Variants in NCAM2 observed in about 807,000 individuals in gnomAD.
NCAM2 encodes the protein neural cell adhesion molecule 2.
Under a neutral mutation model 98.1 loss-of-function variants are expected in NCAM2, and 30 were observed. That is an observed-to-expected ratio of 0.31 (90% CI 0.23 to 0.41). The LOEUF is 0.41. Ranked by LOEUF, NCAM2 falls within the 10% of genes least tolerant of loss-of-function variation. NCAM2 has a pLI of 1.00. For synonymous variants in NCAM2, 368 were observed against 342.4 expected, an observed-to-expected ratio of 1.07 and a Z score of -0.83; for missense variants, 867 against 1,005.8, an observed-to-expected ratio of 0.86 and a Z score of 1.87.
At chr21:21,139,196 A>C (rs1230912777) in intron 1 of NCAM2, among the ~76,000 whole-genome samples, 1 of 152,266 alleles carries the variant, frequency 6.6e-6, no homozygotes, top group Non-Finnish European at 1.5e-5. Flanking sequence ...GTGGAACTAC[A>C]GAGACAGAGC....
At chr21:21,147,158 T>C (rs1601495508) in intron 1 of NCAM2, 1 of 958,754 alleles carries the variant, frequency 1.0e-6, no homozygotes, top group East Asian at 1.3e-4. Context: ...TCGCGCCCTG[T>C]CCCACACCGG....
chr21:21,163,674 A>C (rs557407788), intron 1 of NCAM2, among the ~76,000 whole-genome samples: 2 of 152,168 alleles, frequency 1.3e-5, no homozygotes, highest in African/African-American at 4.8e-5. Flanking sequence ...TTTTGTTTCT[A>C]TTTGTTTGCT....
intron 12 of NCAM2, among the ~76,000 whole-genome samples, chr21:21,456,870 A>G (rs1490042947): frequency 6.6e-6 from 1 of 152,152 alleles, no homozygotes; most frequent in Non-Finnish European, 1.5e-5. Context: ...TCTATAAGCC[A>G]ACAACCAGGC....
chr21:21,424,420 C>T (rs9980669), intron 11 of NCAM2, among the ~76,000 whole-genome samples: 10,942 of 152,132 alleles, frequency 0.072, 434 homozygotes, highest in East Asian at 0.15. Flanking sequence ...TATAAGGTTG[C>T]TGTAGAAGTG....
chr21:21,054,863 C>T (rs2065182355), intron 1 of NCAM2, among the ~76,000 whole-genome samples: 1 of 151,942 alleles, frequency 6.6e-6, no homozygotes, highest in Non-Finnish European at 1.5e-5. Flanking sequence ...GCAGAAAAGT[C>T]CAGGATACTG....
At chr21:21,506,189 A>G (rs749617498) in intron 15 of NCAM2, among the ~76,000 whole-genome samples, 26 of 152,180 alleles carry the variant, frequency 1.7e-4, no homozygotes, top group Non-Finnish European at 3.7e-4. Flanking sequence ...AACCAATAGG[A>G]TCATCATGTG....
At chr21:21,298,683 C>T (rs1265172946) in intron 5 of NCAM2, among the ~76,000 whole-genome samples, 2 of 151,498 alleles carry the variant, frequency 1.3e-5, no homozygotes. Context: ...CTTTGCTTTT[C>T]TCTTCCATAT....
At chr21:21,184,283 G>C (rs969483741) in intron 1 of NCAM2, among the ~76,000 whole-genome samples, 15 of 151,860 alleles carry the variant, frequency 9.9e-5, no homozygotes, top group African/African-American at 3.6e-4. Flanking sequence ...CACCTGCCAA[G>C]GGAGTGCTTT....
At chr21:21,058,220 A>AAG (rs2065253074) in intron 1 of NCAM2, among the ~76,000 whole-genome samples, 1 of 31,472 alleles carries the variant, frequency 3.2e-5, no homozygotes, top group South Asian at 2.1e-3. Flanking sequence ...GAAAAAAAAC[A>AAG]AGATATAAAA....
chr21:21,433,032 T>G (rs2077379161), intron 12 of NCAM2, among the ~76,000 whole-genome samples: 1 of 152,152 alleles, frequency 6.6e-6, no homozygotes, highest in South Asian at 2.1e-4. Flanking sequence ...AGGGGTTCAG[T>G]AAAAAGCAAG....
At position 21,284,381 on chromosome 21, in the gene NCAM2, A is replaced by G; in HGVS notation, c.318A>G (p.Thr106=). 1 of 1,611,654 alleles carries G rather than the reference A, an allele frequency of 6.2e-7. No individual in the cohort carries two copies. Among genetic ancestry groups the G allele is most frequent in the South Asian group, 1.1e-5 (1 of 90,998 alleles). ...CCAAAGGACAAACACAAGAAGCTAC[A>G]GTAGTTTTGGAAATTTACCGTAAGT... ...TDAKGQTQEA[T]VVLEIYQKLT... Residue 106 remains threonine (T), a synonymous_variant, in exon 3 of 18, where the codon ACA becomes ACG. Coordinates refer to ENST00000400546, the MANE Select transcript of NCAM2 (RefSeq NM_004540.5).
chr21:21,292,657 T>G (rs921960688), intron 5 of NCAM2, among the ~76,000 whole-genome samples: 5 of 151,930 alleles, frequency 3.3e-5, no homozygotes, highest in Non-Finnish European at 7.4e-5. Context: ...TTACAAGTAT[T>G]AATGGACATT....
At chr21:21,370,605 C>T (rs1602133794) in intron 8 of NCAM2, among the ~76,000 whole-genome samples, 2 of 150,464 alleles carry the variant, frequency 1.3e-5, no homozygotes, top group Admixed American at 6.6e-5. Flanking sequence ...TACATAGCTG[C>T]GGTACATACA....
At chr21:21,525,324 T>G (rs933988412) in intron 16 of NCAM2, among the ~76,000 whole-genome samples, 3 of 151,698 alleles carry the variant, frequency 2.0e-5, no homozygotes, top group African/African-American at 7.3e-5. Context: ...ATATCAGAAA[T>G]AAAGAAGGAA....
At chr21:21,300,969 G>A (rs964574711) in intron 5 of NCAM2, among the ~76,000 whole-genome samples, 9 of 151,950 alleles carry the variant, frequency 5.9e-5, no homozygotes, top group African/African-American at 2.2e-4. Flanking sequence ...TAATGTATGT[G>A]TATATATAGA....
At chr21:21,083,362 T>G (rs1330773219) in intron 1 of NCAM2, among the ~76,000 whole-genome samples, 2 of 151,902 alleles carry the variant, frequency 1.3e-5, no homozygotes, top group Non-Finnish European at 2.9e-5. Context: ...TTGGAACTAG[T>G]TTTTTATAGA....
intron 1 of NCAM2, among the ~76,000 whole-genome samples, chr21:21,035,756 A>T (rs2064784667): frequency 6.6e-6 from 1 of 152,166 alleles, no homozygotes; most frequent in East Asian, 1.9e-4. Flanking sequence ...TGTTTTCCAT[A>T]AACCTGCTTG....
chr21:21,174,016 C>T (rs901318771), intron 1 of NCAM2, among the ~76,000 whole-genome samples: 6 of 152,068 alleles, frequency 3.9e-5, no homozygotes, highest in African/African-American at 1.2e-4. Flanking sequence ...CTCCGCCTCC[C>T]GAGTTCAAGC....
At chr21:21,164,040 C>CA (rs2067874663) in intron 1 of NCAM2, among the ~76,000 whole-genome samples, 1 of 152,146 alleles carries the variant, frequency 6.6e-6, no homozygotes, top group Admixed American at 6.5e-5. Context: ...TCTCAACCAA[C>CA]ATCCCAGGAC....
Sources: allele counts gnomAD v4.1 joint callset (sites outside exome capture counted in the v4.1 genomes callset), GRCh38; gene constraint gnomAD v4.1.1; transcripts MANE v1.5; gene names NCBI Gene and HGNC (gene_info 2026-07-23, HGNC 2026-07-21).